The following CATSPERE variants were observed in gnomAD, a reference collection of about 807,000 sequenced individuals.
CATSPERE encodes cation channel sperm-associated auxiliary subunit epsilon.
In CATSPERE, 93 loss-of-function variants were observed where a neutral mutation model predicts 114.1. The observed-to-expected ratio is 0.81, with a 90% CI of 0.69 to 0.97. The LOEUF (loss-of-function observed/expected upper bound fraction) is 0.97, where lower values mean the gene tolerates loss of function less well. Ranked by LOEUF, CATSPERE falls within the 50% of genes least tolerant of loss-of-function variation. CATSPERE has a pLI of 0.00. For missense variants in CATSPERE, 1,058 were observed against 1,131.6 expected, an observed-to-expected ratio of 0.93 and a Z score of 0.93; for synonymous variants, 341 against 384.1, an observed-to-expected ratio of 0.89 and a Z score of 1.31.
At chr1:244,501,494 T>A (rs984179426) in intron 7 of CATSPERE, among the ~76,000 whole-genome samples, 11 of 152,242 alleles carry the variant, frequency 7.2e-5, no homozygotes, top group Non-Finnish European at 1.5e-4. Flanking sequence ...AGTCAAGAGC[T>A]GTCTGATTTT....
At chr1:244,626,161 C>A (rs1673168857) in intron 20 of CATSPERE, among the ~76,000 whole-genome samples, 1 of 152,048 alleles carries the variant, frequency 6.6e-6, no homozygotes, top group African/African-American at 2.4e-5. Flanking sequence ...AGCTTTGAAG[C>A]CAGGTACTGA....
intron 21 of CATSPERE, 38 bp from the exon 22 acceptor site, chr1:244,639,890 T>C (rs1675143709): frequency 6.8e-7 from 1 of 1,470,906 alleles, no homozygotes; most frequent in South Asian, 1.3e-5. Context: ...GTGTGAACAA[T>C]GACTTCTAAT....
intron 6 of CATSPERE, among the ~76,000 whole-genome samples, chr1:244,498,457 T>C (rs1381234585): frequency 1.3e-5 from 2 of 152,200 alleles, no homozygotes; most frequent in Non-Finnish European, 2.9e-5. Flanking sequence ...TTTAAGTATA[T>C]GAATATTCAA....
In CATSPERE at chr1:244,461,334, G is replaced by A; in HGVS notation, c.-96G>A. 8.9e-7 allele frequency: 1 copy of A among 1,122,738 alleles called. No individual in the cohort carries two copies. The highest frequency in any genetic ancestry group is 1.1e-6 in the Non-Finnish European group (1 of 871,268). The allele number at this position is 1,122,738 out of a possible 1,614,324, so 69.5% of individuals were successfully genotyped here. A position where few individuals can be genotyped will look rare whatever the true frequency, so the allele number is the denominator to read the frequency against. On this transcript the variant is annotated 5_prime_UTR_variant, in exon 1 of 22. Coordinates refer to ENST00000366534, the MANE Select transcript of CATSPERE (RefSeq NM_001130957.2). ...CCTGTCCAGAGGCGCCGGGACCCAG[G>A]CGCCTGCAGCCGCCCGCCGGGCCGA...
At chr1:244,629,138 G>C (rs926277950) in intron 20 of CATSPERE, among the ~76,000 whole-genome samples, 1 of 152,112 alleles carries the variant, frequency 6.6e-6, no homozygotes, top group Non-Finnish European at 1.5e-5. Flanking sequence ...AACTGTAGAG[G>C]CATCTGCTGA....
At chr1:244,610,191 T>C in intron 18 of CATSPERE, 49 bp from the exon 19 acceptor site, 4 of 1,190,120 alleles carry the variant, frequency 3.4e-6, no homozygotes, top group Admixed American at 2.2e-5. Context: ...AGGAATAAGT[T>C]GATATGAAAA....
At chr1:244,482,256 C>T (rs937021179) in intron 5 of CATSPERE, among the ~76,000 whole-genome samples, 3 of 152,040 alleles carry the variant, frequency 2.0e-5, no homozygotes, top group African/African-American at 7.3e-5. Context: ...TGCTTGAGCC[C>T]AGGGGTTCAA....
chr1:244,625,151 C>T (rs554529196), intron 20 of CATSPERE, among the ~76,000 whole-genome samples: 1 of 151,740 alleles, frequency 6.6e-6, no homozygotes, highest in Non-Finnish European at 1.5e-5. Flanking sequence ...GATTTACTAT[C>T]CATGGCAGCT....
At chr1:244,457,134 A>G (rs1176763034), upstream of CATSPERE, among the ~76,000 whole-genome samples, 1 of 152,214 alleles carries the variant, frequency 6.6e-6, no homozygotes, top group Non-Finnish European at 1.5e-5. Flanking sequence ...CCAGTTGGCT[A>G]AGAGCTGAAA....
chr1:244,525,886 A>C (rs1678505011), intron 8 of CATSPERE, among the ~76,000 whole-genome samples: 1 of 149,976 alleles, frequency 6.7e-6, no homozygotes, highest in Admixed American at 6.6e-5. Flanking sequence ...ACAACAAAAA[A>C]AATTTTTTTC....
Position 244,605,774 on chromosome 1 carries a change from T to G in CATSPERE, c.2383T>G (p.Phe795Val). The G allele has an allele frequency of 6.2e-7, 1 of 1,612,742 alleles. No homozygotes were observed. The highest frequency in any genetic ancestry group is 1.3e-5 in the African/African-American group (1 of 75,024). Residue 795 changes from phenylalanine to valine, a missense_variant, in exon 18 of 22, where the codon TTT becomes GTT. Coordinates refer to ENST00000366534, the MANE Select transcript of CATSPERE (RefSeq NM_001130957.2). Reference sequence around the variant, plus strand: ...AATACACGGCAGGGATGACTATAGCTTTAATAATACTATGGCACAGGTATG... The same window carrying G: ...AATACACGGCAGGGATGACTATAGCGTTAATAATACTATGGCACAGGTATG... ...WEIHGRDDYS[F>V]NNTMAQSGCL...
chr1:244,542,033 G>A (rs1286625068), intron 8 of CATSPERE, among the ~76,000 whole-genome samples: 1 of 146,428 alleles, frequency 6.8e-6, no homozygotes, highest in Admixed American at 6.8e-5. Context: ...GGGAGGGATA[G>A]CATTGGGAGA....
rs1436965955 is a variant in CATSPERE at position 244,573,093 on chromosome 1, C to T, written c.1950+321C>T. ...TTGTCTATTGTAGTATAACAAACCACTCAAAACCTAATTGCTTAGAACAAC... is the reference window on the plus strand; with the variant it reads ...TTGTCTATTGTAGTATAACAAACCATTCAAAACCTAATTGCTTAGAACAAC... On this transcript the variant is annotated intron_variant, in intron 11 of 21. Coordinates refer to ENST00000366534, the MANE Select transcript of CATSPERE (RefSeq NM_001130957.2). The surrounding 1 kb of genome is among the most constrained non-coding windows in gnomAD (Gnocchi z 4.0). Among the ~76,000 whole-genome samples, 1 of 151,798 alleles carries T rather than the reference C, an allele frequency of 6.6e-6. No homozygotes were observed.
At position 244,573,187 on chromosome 1, in the gene CATSPERE, A is replaced by C. The variant is rs1271355613; in HGVS notation, c.1950+415A>C. Among the ~76,000 whole-genome samples the C allele has an allele frequency of 6.6e-6, 1 of 152,066 alleles. No individual in the cohort carries two copies. The highest frequency in any genetic ancestry group is 2.4e-5 in the African/African-American group (1 of 41,408). On this transcript the variant is annotated intron_variant, in intron 11 of 21. Transcript: ENST00000366534. The surrounding 1 kb of genome is among the most constrained non-coding windows in gnomAD (Gnocchi z 4.0). ...AGCACTTTGGGAGGCCAAGGCAGGCAGATCACGAGGTCAGGAGATCGAGAC... is the reference window on the plus strand; with the variant it reads ...AGCACTTTGGGAGGCCAAGGCAGGCCGATCACGAGGTCAGGAGATCGAGAC...
At chr1:244,546,453 G>C (rs1403825431) in intron 8 of CATSPERE, among the ~76,000 whole-genome samples, 2 of 152,172 alleles carry the variant, frequency 1.3e-5, no homozygotes, top group African/African-American at 4.8e-5. Context: ...AGGGAAATAT[G>C]GTGTCCCCAA....
In CATSPERE at chr1:244,575,201, T is replaced by G. The variant is rs1665055178; in HGVS notation, c.1950+2429T>G. Among the ~76,000 whole-genome samples the G allele has an allele frequency of 6.6e-6, 1 of 152,236 alleles. No individual in the cohort carries two copies. The highest frequency in any genetic ancestry group is 2.4e-5 in the African/African-American group (1 of 41,470). Reference sequence around the variant, plus strand: ...CCTTCCTCTCTTACACTTAGTTTCTTGGGCTGGGTGGGATCCTTGTGGCCA... The same window carrying G: ...CCTTCCTCTCTTACACTTAGTTTCTGGGGCTGGGTGGGATCCTTGTGGCCA... On this transcript the variant is annotated intron_variant, in intron 11 of 21. Coordinates refer to ENST00000366534, the MANE Select transcript of CATSPERE (RefSeq NM_001130957.2). This position sits in a 1 kb window ranked among gnomAD's most constrained non-coding sequence, Gnocchi z 4.5.
At chr1:244,595,391 T>C (rs1042760095) in intron 17 of CATSPERE, among the ~76,000 whole-genome samples, 1 of 152,162 alleles carries the variant, frequency 6.6e-6, no homozygotes, top group African/African-American at 2.4e-5. Context: ...TTATGGATAA[T>C]GAGTATTTTG....
At chr1:244,457,242 T>C (rs575849247), upstream of CATSPERE, among the ~76,000 whole-genome samples, 1 of 152,284 alleles carries the variant, frequency 6.6e-6, no homozygotes, top group Admixed American at 6.5e-5. Flanking sequence ...GGCCCCTGTG[T>C]CCAAATCACA....
chr1:244,586,140 C>T (rs547946869), intron 13 of CATSPERE, among the ~76,000 whole-genome samples: 58 of 152,226 alleles, frequency 3.8e-4, no homozygotes, highest in African/African-American at 1.3e-3. Context: ...ATTAGGTGTC[C>T]AGTTCTGGGA....
Sources: allele counts gnomAD v4.1 joint callset (sites outside exome capture counted in the v4.1 genomes callset), GRCh38; gene constraint gnomAD v4.1.1; non-coding constraint Gnocchi (gnomAD v3.1); transcripts MANE v1.5; gene names NCBI Gene and HGNC (gene_info 2026-07-23, HGNC 2026-07-21).